UMAD1: variants seen among roughly 807,000 people sequenced by gnomAD.
UMAD1 encodes the protein UBAP1-MVB12-associated (UMA)-domain containing protein 1.
Under a neutral mutation model 6.1 loss-of-function variants are expected in UMAD1, and 8 were observed. The ratio of observed to expected loss-of-function variants is 1.30; its 90% confidence interval spans 0.76 to 2.35. UMAD1 has a LOEUF of 2.35. Among genes scored for constraint, UMAD1 ranks in the 30% most tolerant of loss-of-function variants. UMAD1 has a pLI of 0.00. For synonymous variants in UMAD1, 56 were observed against 31.4 expected (o/e 1.78, Z -2.61); for missense variants, 130 against 78.4 (o/e 1.66, Z -2.49).
chr7:7,720,676 A>G (rs755834439), intron 2 of UMAD1, among the ~76,000 whole-genome samples: 25 of 152,196 alleles, frequency 1.6e-4, no homozygotes, highest in Non-Finnish European at 3.7e-4. Flanking sequence ...AGAAGAAGCC[A>G]ATTTGTTTTT....
intron 2 of UMAD1, among the ~76,000 whole-genome samples, chr7:7,735,524 C>T (rs771325457): frequency 3.3e-5 from 5 of 152,100 alleles, no homozygotes; most frequent in Non-Finnish European, 7.3e-5. Context: ...ATTCTCCTGC[C>T]TCAGCCTCCC....
chr7:7,778,290 G>GAGAGAGAC (rs1203869937), intron 2 of UMAD1, among the ~76,000 whole-genome samples: 2 of 151,074 alleles, frequency 1.3e-5, no homozygotes, highest in African/African-American at 4.9e-5. Context: ...GAGAGAGAGA[G>GAGAGAGAC]AGAGAGACAG....
At chr7:7,748,410 T>G (rs1374056692) in intron 2 of UMAD1, among the ~76,000 whole-genome samples, 1 of 152,126 alleles carries the variant, frequency 6.6e-6, no homozygotes, top group Non-Finnish European at 1.5e-5. Flanking sequence ...TCTAGACATA[T>G]GGTAGACTAA....
At chr7:7,656,222 G>A (rs531709715) in intron 1 of UMAD1, among the ~76,000 whole-genome samples, 1 of 152,238 alleles carries the variant, frequency 6.6e-6, no homozygotes, top group East Asian at 1.9e-4. Context: ...TTCTGAGGGT[G>A]GAAGTGGAGT....
Position 7,791,602 on chromosome 7 carries a change from G to C in UMAD1, c.83-10068G>C, listed in dbSNP as rs565578523. Reference sequence around the variant, plus strand: ...TAAACGGCTAAATTGATGTTTTGGGGTTCCGTCAAGATCTTCCAGAAAAAT... The same window carrying C: ...TAAACGGCTAAATTGATGTTTTGGGCTTCCGTCAAGATCTTCCAGAAAAAT... On this transcript the variant is annotated intron_variant, in intron 2 of 3. Transcript: ENST00000682710. Among the ~76,000 whole-genome samples, 9 of 152,270 alleles carry C rather than the reference G, an allele frequency of 5.9e-5. No homozygotes were observed. In the South Asian group the frequency reaches 1.9e-3, roughly 32 times the overall value.
intron 2 of UMAD1, among the ~76,000 whole-genome samples, chr7:7,716,608 T>G (rs1328587506): frequency 6.6e-6 from 1 of 152,198 alleles, no homozygotes; most frequent in Non-Finnish European, 1.5e-5. Flanking sequence ...GGCAACATGG[T>G]GCTGGCCAGG....
intron 2 of UMAD1, among the ~76,000 whole-genome samples, chr7:7,747,959 G>T (rs1194969708): frequency 6.6e-6 from 1 of 152,116 alleles, no homozygotes; most frequent in Admixed American, 6.5e-5. Flanking sequence ...TATGTTTTAT[G>T]ATTATATATG....
At chr7:7,673,035 A>C (rs1326267174) in intron 1 of UMAD1, among the ~76,000 whole-genome samples, 1 of 152,064 alleles carries the variant, frequency 6.6e-6, no homozygotes, top group Non-Finnish European at 1.5e-5. Context: ...TGTTGATTTG[A>C]GTTTTGTATG....
intron 2 of UMAD1, among the ~76,000 whole-genome samples, chr7:7,769,079 T>G (rs1217413823): frequency 6.6e-6 from 1 of 152,196 alleles, no homozygotes; most frequent in Non-Finnish European, 1.5e-5. Context: ...CAAGACCAGA[T>G]GTCCCTTTTC....
At chr7:7,747,573 A>AT (rs1431746527) in intron 2 of UMAD1, among the ~76,000 whole-genome samples, 1 of 152,268 alleles carries the variant, frequency 6.6e-6, no homozygotes, top group Middle Eastern at 3.4e-3. Flanking sequence ...TATGAAGTAT[A>AT]TTTTTTCCAA....
At chr7:7,756,216 A>T (rs907621654) in intron 2 of UMAD1, among the ~76,000 whole-genome samples, 16 of 152,178 alleles carry the variant, frequency 1.1e-4, no homozygotes, top group Non-Finnish European at 2.1e-4. Context: ...TAACCACCCC[A>T]GTTTGGAGTT....
intron 3 of UMAD1, among the ~76,000 whole-genome samples, chr7:7,810,330 A>G (rs1782998248): frequency 1.3e-5 from 2 of 152,108 alleles, no homozygotes; most frequent in Admixed American, 6.6e-5. Context: ...ATGTTAATAT[A>G]CTTTGACAGT....
At chr7:7,671,636 C>A (rs1408210415) in intron 1 of UMAD1, among the ~76,000 whole-genome samples, 1 of 152,150 alleles carries the variant, frequency 6.6e-6, no homozygotes. Context: ...TTTCTGACCT[C>A]ATTTTTTCCT....
chr7:7,744,569 G>T (rs888602941), intron 2 of UMAD1, among the ~76,000 whole-genome samples: 11 of 150,100 alleles, frequency 7.3e-5, no homozygotes, highest in African/African-American at 2.7e-4. Flanking sequence ...ATTTCTCCAC[G>T]TCCTGGTAAC....
intron 2 of UMAD1, among the ~76,000 whole-genome samples, chr7:7,674,051 G>A (rs1417360757): frequency 6.6e-6 from 1 of 152,136 alleles, no homozygotes; most frequent in Non-Finnish European, 1.5e-5. Context: ...CTTCCCCTGA[G>A]GAAAAGTTTT....
At chr7:7,666,447 A>ATCTGCCTACC (rs758461597) in intron 1 of UMAD1, among the ~76,000 whole-genome samples, 1 of 151,934 alleles carries the variant, frequency 6.6e-6, no homozygotes, top group African/African-American at 2.4e-5. Context: ...GCCTCAAGTG[A>ATCTGCCTACC]TCTGCCTACC....
At chr7:7,742,147 A>G (rs1333642936) in intron 2 of UMAD1, 2 of 647,076 alleles carry the variant, frequency 3.1e-6, no homozygotes, top group African/African-American at 1.8e-5. Flanking sequence ...AGTTGAATAT[A>G]TGCCTTCTCT....
chr7:7,687,577 A>G (rs940267467), intron 2 of UMAD1, among the ~76,000 whole-genome samples: 5 of 152,216 alleles, frequency 3.3e-5, no homozygotes, highest in Non-Finnish European at 5.9e-5. Flanking sequence ...CAGAAAGTCT[A>G]TTCACACCCA....
At chr7:7,837,617 T>C (rs1783595564) in intron 3 of UMAD1, among the ~76,000 whole-genome samples, 1 of 151,716 alleles carries the variant, frequency 6.6e-6, no homozygotes, top group Non-Finnish European at 1.5e-5. Context: ...CTAGTGGAGA[T>C]TTAAAAAGGA....
Sources: allele counts gnomAD v4.1 joint callset (sites outside exome capture counted in the v4.1 genomes callset), GRCh38; gene constraint gnomAD v4.1.1; transcripts MANE v1.5; gene names NCBI Gene and HGNC (gene_info 2026-07-23, HGNC 2026-07-21).